Variants in MAGI2 observed in about 807,000 individuals in gnomAD.
The protein encoded by MAGI2 is membrane-associated guanylate kinase, WW and PDZ domain-containing protein 2.
A neutral mutation model predicts 133.3 loss-of-function variants in MAGI2; 35 were observed. The observed-to-expected ratio is 0.26, with a 90% CI of 0.20 to 0.35. The LOEUF is 0.35. Ranked by LOEUF, MAGI2 falls within the 10% of genes least tolerant of loss-of-function variation. MAGI2 has a pLI of 1.00. For synonymous variants in MAGI2, 729 were observed against 710.6 expected (o/e 1.03, Z -0.41); for missense variants, 1,636 against 1,863.4 (o/e 0.88, Z 2.25).
intron 1 of MAGI2, among the ~76,000 whole-genome samples, chr7:79,323,118 C>T (rs1177296722): frequency 1.3e-5 from 2 of 152,064 alleles, no homozygotes; most frequent in South Asian, 4.1e-4. Flanking sequence ...GATTGAGCCA[C>T]TGTGCCTGGC....
At chr7:78,385,267 C>T (rs1795275944) in intron 6 of MAGI2, among the ~76,000 whole-genome samples, 2 of 152,178 alleles carry the variant, frequency 1.3e-5, no homozygotes, top group Non-Finnish European at 2.9e-5. Context: ...AAAACTTCCA[C>T]ATTTTTAGTT....
chr7:78,512,304 G>C (rs1795672022), intron 4 of MAGI2, among the ~76,000 whole-genome samples: 1 of 152,192 alleles, frequency 6.6e-6, no homozygotes, highest in Admixed American at 6.5e-5. Context: ...GGGAAAGTTA[G>C]TGTAATGGTT....
chr7:78,447,082 G>A (rs1231345240), intron 6 of MAGI2, among the ~76,000 whole-genome samples: 1 of 152,008 alleles, frequency 6.6e-6, no homozygotes, highest in East Asian at 1.9e-4. Context: ...GAGACTATCT[G>A]TATATTCAAA....
chr7:79,366,008 G>A (rs549743430), intron 1 of MAGI2, among the ~76,000 whole-genome samples: 12 of 149,952 alleles, frequency 8.0e-5, no homozygotes, highest in Non-Finnish European at 1.0e-4. Flanking sequence ...TTGGGAAGCC[G>A]ACACAGGAGG....
Position 79,356,721 on chromosome 7 carries a change from A to G in MAGI2, c.301+96299T>C, listed in dbSNP as rs116625117. ...ACAGTCGAAGTAGATCTTTATTTCT[A>G]GAATAAAAGAAATAGATTGGGTCAC... On this transcript the variant is annotated intron_variant, in intron 1 of 21. Transcript: ENST00000354212. Among the ~76,000 whole-genome samples, 951 of 152,316 alleles carry G rather than the reference A, an allele frequency of 6.2e-3. 5 individuals carry two copies. Among genetic ancestry groups the G allele is most frequent in the African/African-American group, 0.021 (893 of 41,576 alleles).
chr7:78,660,399 T>C (rs1350618692), intron 2 of MAGI2, among the ~76,000 whole-genome samples: 2 of 109,548 alleles, frequency 1.8e-5, no homozygotes, highest in African/African-American at 6.6e-5. Flanking sequence ...CTAAACTTAC[T>C]TGAACTATTT....
At chr7:78,516,354 G>A (rs1170598771) in intron 4 of MAGI2, among the ~76,000 whole-genome samples, 2 of 152,026 alleles carry the variant, frequency 1.3e-5, no homozygotes, top group Non-Finnish European at 2.9e-5. Flanking sequence ...TGTTTTTGTT[G>A]TTGTTGTTGT....
chr7:78,166,897 T>A (rs1398819336), intron 15 of MAGI2, among the ~76,000 whole-genome samples: 1 of 151,842 alleles, frequency 6.6e-6, no homozygotes, highest in Non-Finnish European at 1.5e-5. Flanking sequence ...GAGAGAAGAG[T>A]CCCTCTCTGC....
At chr7:78,219,338 G>A (rs1788576459) in intron 10 of MAGI2, among the ~76,000 whole-genome samples, 1 of 152,140 alleles carries the variant, frequency 6.6e-6, no homozygotes, top group African/African-American at 2.4e-5. Flanking sequence ...ATCATTAAAT[G>A]CATATTGATT....
At chr7:78,811,783 G>C (rs1256603180) in intron 2 of MAGI2, among the ~76,000 whole-genome samples, 1 of 152,170 alleles carries the variant, frequency 6.6e-6, no homozygotes, top group African/African-American at 2.4e-5. Context: ...TGGTGTGGTA[G>C]GCTGAATAAT....
chr7:78,972,043 C>A (rs1381352304), intron 2 of MAGI2, among the ~76,000 whole-genome samples: 2 of 151,898 alleles, frequency 1.3e-5, no homozygotes, highest in African/African-American at 4.8e-5. Context: ...TCAAATATTT[C>A]ATAACTGCGC....
At chr7:78,654,734 TATATATATATATATAG>T (rs1248883510) in intron 2 of MAGI2, among the ~76,000 whole-genome samples, 14 of 82,746 alleles carry the variant, frequency 1.7e-4, no homozygotes, top group South Asian at 1.5e-3. Context: ...TATATATATA[TATATATATATATATAG>T]CATATATTTT....
intron 17 of MAGI2, 44 bp from the exon 18 acceptor site, chr7:78,133,104 T>C: frequency 6.8e-7 from 1 of 1,462,284 alleles, no homozygotes; most frequent in African/African-American, 1.4e-5. Flanking sequence ...AGGTTAGTGT[T>C]GATAAGGGGA....
chr7:78,023,917 C>A (rs1401554981), intron 21 of MAGI2, among the ~76,000 whole-genome samples: 2 of 152,190 alleles, frequency 1.3e-5, no homozygotes, highest in Non-Finnish European at 2.9e-5. Flanking sequence ...ATAGCACTTA[C>A]ATTGTGCTGG....
rs138120484 is a variant in MAGI2 at position 78,593,079 on chromosome 7, C to T, written c.538+34041G>A. Among the ~76,000 whole-genome samples, 5 of 151,748 alleles carry T rather than the reference C, an allele frequency of 3.3e-5. No homozygotes were observed. In the East Asian group the frequency reaches 9.7e-4, roughly 30 times the overall value. ...ACTCCTGAGCTCAAAGCCTAGCCTC[C>T]CAAATTGCTAGGATTACGGGCGTGA... On this transcript the variant is annotated intron_variant, in intron 3 of 21. Transcript: ENST00000354212.
Position 79,280,612 on chromosome 7 carries a change from C to A in MAGI2, c.301+172408G>T, listed in dbSNP as rs183112745. Reference sequence around the variant, plus strand: ...CACAAACTGGTGGCAAAAGATGACTCAAGAAGACACAATAAAGAATAAAAC... The same window carrying A: ...CACAAACTGGTGGCAAAAGATGACTAAAGAAGACACAATAAAGAATAAAAC... On this transcript the variant is annotated intron_variant, in intron 1 of 21. Transcript: ENST00000354212. Among the ~76,000 whole-genome samples, 8 of 151,912 alleles carry A rather than the reference C, an allele frequency of 5.3e-5. No homozygotes were observed. The East Asian group carries it at 1.4e-3, about 26-fold the overall frequency.
intron 1 of MAGI2, among the ~76,000 whole-genome samples, chr7:79,088,764 T>A (rs1209081679): frequency 2.6e-5 from 4 of 152,098 alleles, no homozygotes; most frequent in Non-Finnish European, 5.9e-5. Flanking sequence ...TGTATTGAGA[T>A]AATCATGTGT....
chr7:78,031,826 G>A (rs1351160928), intron 21 of MAGI2, among the ~76,000 whole-genome samples: 4 of 152,128 alleles, frequency 2.6e-5, no homozygotes, highest in African/African-American at 7.2e-5. Context: ...ATATTCTTGG[G>A]CTCCAGCTAA....
At chr7:79,111,606 G>C (rs1354392937) in intron 1 of MAGI2, among the ~76,000 whole-genome samples, 1 of 152,086 alleles carries the variant, frequency 6.6e-6, no homozygotes, top group African/African-American at 2.4e-5. Flanking sequence ...AGATAAAATG[G>C]AAGCTCGGAG....
Sources: gnomAD v4.1 joint callset for allele counts (sites outside exome capture counted in the v4.1 genomes callset) on GRCh38, gnomAD v4.1.1 for gene constraint, MANE v1.5 for transcripts, NCBI Gene and HGNC (gene_info 2026-07-23, HGNC 2026-07-21) for gene names.